The following ZNF804A variants were observed in gnomAD, a reference collection of about 807,000 sequenced individuals.
ZNF804A encodes the protein zinc finger protein 804A.
ZNF804A carries 2 observed loss-of-function variants against 16.5 expected under a neutral mutation model. The observed-to-expected ratio is 0.12, with a 90% CI of 0.05 to 0.38. The LOEUF is 0.38. Among genes scored for constraint, ZNF804A ranks in the 10% least tolerant of loss-of-function variants. The pLI is 0.99. For missense variants in ZNF804A, 1,473 were observed against 1,390.7 expected, an observed-to-expected ratio of 1.06 and a Z score of -0.94; for synonymous variants, 534 against 489.6, an observed-to-expected ratio of 1.09 and a Z score of -1.20.
chr2:184,719,659 T>C (rs539342258), intron 1 of ZNF804A, among the ~76,000 whole-genome samples: 1 of 152,264 alleles, frequency 6.6e-6, no homozygotes, highest in South Asian at 2.1e-4. Flanking sequence ...ACAGCCAGTC[T>C]CTTTCCTAAA....
chr2:184,652,195 C>G (rs1254849240), intron 1 of ZNF804A, among the ~76,000 whole-genome samples: 1 of 151,982 alleles, frequency 6.6e-6, no homozygotes, highest in Non-Finnish European at 1.5e-5. Flanking sequence ...TAGAGAAAAC[C>G]AAACACTGTA....
chr2:184,620,958 T>A (rs1691408390), intron 1 of ZNF804A, among the ~76,000 whole-genome samples: 1 of 151,696 alleles, frequency 6.6e-6, no homozygotes, highest in African/African-American at 2.4e-5. Flanking sequence ...TAGCATTTAT[T>A]TTTCTGTATC....
intron 2 of ZNF804A, among the ~76,000 whole-genome samples, chr2:184,871,472 C>G (rs1044933302): frequency 2.0e-4 from 28 of 140,226 alleles, no homozygotes; most frequent in Admixed American, 1.4e-4. Context: ...ATATTATTAA[C>G]AAAATAGGAA....
intron 1 of ZNF804A, among the ~76,000 whole-genome samples, chr2:184,692,451 C>T (rs1011771127): frequency 1.3e-5 from 2 of 152,166 alleles, no homozygotes; most frequent in African/African-American, 4.8e-5. Flanking sequence ...AGAAATTATC[C>T]AGTGGAAATA....
At chr2:184,789,953 T>C (rs912473199) in intron 1 of ZNF804A, among the ~76,000 whole-genome samples, 3 of 152,092 alleles carry the variant, frequency 2.0e-5, no homozygotes, top group Admixed American at 6.5e-5. Flanking sequence ...CTTTTTGACA[T>C]AGACATTTAA....
chr2:184,674,680 G>A (rs1692392115), intron 1 of ZNF804A, among the ~76,000 whole-genome samples: 1 of 151,744 alleles, frequency 6.6e-6, no homozygotes, highest in African/African-American at 2.4e-5. Context: ...ATATATAAGT[G>A]TGAAGGAAAA....
intron 1 of ZNF804A, among the ~76,000 whole-genome samples, chr2:184,631,411 G>A (rs960976587): frequency 6.6e-6 from 1 of 152,096 alleles, no homozygotes; most frequent in African/African-American, 2.4e-5. Context: ...AGTGCAAAAT[G>A]TTATGCCGGC....
intron 1 of ZNF804A, among the ~76,000 whole-genome samples, chr2:184,707,306 C>A (rs1378837529): frequency 6.6e-6 from 1 of 151,874 alleles, no homozygotes; most frequent in Non-Finnish European, 1.5e-5. Context: ...ATAATTGCAA[C>A]TTTTATTTTA....
In ZNF804A at chr2:184,936,311, A is replaced by C. The variant is rs751817138; in HGVS notation, c.915A>C (p.Ala305=). 1 of 1,613,820 alleles carries C rather than the reference A, an allele frequency of 6.2e-7. No individual in the cohort carries two copies. The highest frequency in any genetic ancestry group is 1.1e-5 in the South Asian group (1 of 91,076). Residue 305 remains alanine (A), a synonymous_variant, in exon 4 of 4, where the codon GCA becomes GCC. Coordinates refer to ENST00000302277, the MANE Select transcript of ZNF804A (RefSeq NM_194250.2). ...AAGAAGTCTCTAGTGAAAAAGATGC[A>C]TTATTATTACCTTCATTTTGCAAGT... ...EIKEVSSEKD[A]LLLPSFCKFQ... is the part of the protein sequence containing the mutation.
At chr2:184,906,662 C>A (rs1454373215) in intron 2 of ZNF804A, among the ~76,000 whole-genome samples, 2 of 151,980 alleles carry the variant, frequency 1.3e-5, no homozygotes, top group Non-Finnish European at 2.9e-5. Context: ...CTAAGATGGC[C>A]ATCAAGATTA....
rs561802658 is a variant in ZNF804A, at chr2:184,713,520, T to C, written c.111+114450T>C. Among the ~76,000 whole-genome samples, 350 of 152,112 alleles carry C rather than the reference T, an allele frequency of 2.3e-3. 1 individual carries two copies. The highest frequency in any genetic ancestry group is 8.1e-3 in the African/African-American group (338 of 41,562). On this transcript the variant is annotated intron_variant, in intron 1 of 3. Transcript: ENST00000302277. ...TTGTATATGGCACTCTAATGATACT[T>C]GTCTACATAGTTGTACTTGTATTTC...
chr2:184,895,248 G>A (rs1264950122), intron 2 of ZNF804A, among the ~76,000 whole-genome samples: 1 of 151,954 alleles, frequency 6.6e-6, no homozygotes, highest in Non-Finnish European at 1.5e-5. Flanking sequence ...GAGAGAGAGA[G>A]AGAGAGAAAA....
intron 1 of ZNF804A, among the ~76,000 whole-genome samples, chr2:184,784,628 A>G (rs1356069220): frequency 1.3e-5 from 2 of 151,980 alleles, no homozygotes; most frequent in African/African-American, 4.8e-5. Context: ...ACAAAACTGT[A>G]GAGTAGGACA....
chr2:184,888,697 C>A (rs1318602866), intron 2 of ZNF804A, among the ~76,000 whole-genome samples: 1 of 152,014 alleles, frequency 6.6e-6, no homozygotes, highest in Non-Finnish European at 1.5e-5. Flanking sequence ...GTTTCAGGCA[C>A]TGGAAACTCA....
intron 1 of ZNF804A, among the ~76,000 whole-genome samples, chr2:184,704,789 G>T (rs925486950): frequency 2.0e-5 from 3 of 152,154 alleles, no homozygotes; most frequent in Non-Finnish European, 2.9e-5. Flanking sequence ...GAGGGACAAT[G>T]CATTGACACT....
chr2:184,630,123 C>A (rs1227932501), intron 1 of ZNF804A, among the ~76,000 whole-genome samples: 1 of 152,052 alleles, frequency 6.6e-6, no homozygotes, highest in Non-Finnish European at 1.5e-5. Flanking sequence ...GCTACCAGGT[C>A]TCTGGTACTG....
chr2:184,609,314 T>C (rs1271655505), intron 1 of ZNF804A, among the ~76,000 whole-genome samples: 1 of 152,210 alleles, frequency 6.6e-6, no homozygotes, highest in African/African-American at 2.4e-5. Flanking sequence ...TGACTACTGC[T>C]GTGACACTGA....
intron 1 of ZNF804A, among the ~76,000 whole-genome samples, chr2:184,762,661 T>C (rs1241306460): frequency 1.3e-5 from 2 of 152,018 alleles, no homozygotes; most frequent in East Asian, 3.9e-4. Context: ...AAATAGTATG[T>C]AAAATTTGGG....
chr2:184,791,231 T>G (rs1254336014), intron 1 of ZNF804A, among the ~76,000 whole-genome samples: 1 of 152,146 alleles, frequency 6.6e-6, no homozygotes, highest in East Asian at 1.9e-4. Flanking sequence ...TGGCTAGTTG[T>G]TTTGAAGTTT....
Sources: allele counts gnomAD v4.1 joint callset (sites outside exome capture counted in the v4.1 genomes callset), GRCh38; gene constraint gnomAD v4.1.1; transcripts MANE v1.5; gene names NCBI Gene and HGNC (gene_info 2026-07-23, HGNC 2026-07-21).